MBOAT2: variants seen among roughly 807,000 people sequenced by gnomAD.
The protein encoded by MBOAT2 is membrane-bound glycerophospholipid O-acyltransferase 2.
A neutral mutation model predicts 63.4 loss-of-function variants in MBOAT2; 28 were observed. That is an observed-to-expected ratio of 0.44 (90% CI 0.33 to 0.61). The LOEUF is 0.61. MBOAT2 is among the 20% of genes least tolerant of loss of function. The pLI, the probability that MBOAT2 is intolerant of heterozygous loss-of-function variation, is 0.03. For synonymous variants in MBOAT2, 211 were observed against 215.6 expected (o/e 0.98, Z 0.19); for missense variants, 470 against 605.8 (o/e 0.78, Z 2.35).
intron 3 of MBOAT2, 32 bp downstream of exon 3, chr2:8,943,155 T>C: frequency 1.5e-6 from 2 of 1,291,016 alleles, no homozygotes; most frequent in Non-Finnish European, 2.1e-6. Flanking sequence ...AAGTGAAATA[T>C]ATATTTTCAT....
intron 9 of MBOAT2, among the ~76,000 whole-genome samples, chr2:8,866,113 T>C (rs1387287497): frequency 6.6e-6 from 1 of 152,192 alleles, no homozygotes; most frequent in Non-Finnish European, 1.5e-5. Flanking sequence ...GGTATCTCAG[T>C]GGCACTTAGC....
intron 4 of MBOAT2, among the ~76,000 whole-genome samples, chr2:8,901,086 C>A (rs550457881): frequency 6.6e-6 from 1 of 152,252 alleles, no homozygotes; most frequent in East Asian, 1.9e-4. Context: ...GTCCCTGGAC[C>A]CTGCTGATCG....
intron 2 of MBOAT2, among the ~76,000 whole-genome samples, chr2:8,955,277 T>C (rs1422687714): frequency 6.6e-6 from 1 of 152,218 alleles, no homozygotes; most frequent in Admixed American, 6.5e-5. Context: ...ATGTCTGTCC[T>C]TCACAGCGTC....
chr2:8,932,594 A>G (rs1035035501), intron 3 of MBOAT2, among the ~76,000 whole-genome samples: 2 of 152,190 alleles, frequency 1.3e-5, no homozygotes, highest in Non-Finnish European at 2.9e-5. Flanking sequence ...ACAAACCTCA[A>G]CAAGACTAAT....
At chr2:8,898,536 A>G (rs899523039) in intron 4 of MBOAT2, among the ~76,000 whole-genome samples, 3 of 152,382 alleles carry the variant, frequency 2.0e-5, no homozygotes, top group South Asian at 2.1e-4. Context: ...GATTAGCTAG[A>G]AAGTTCAAGA....
chr2:8,988,735 A>C lies in MBOAT2; in HGVS notation c.75+14805T>G, dbSNP rs1302840566. The stretch of plus-strand genomic sequence containing the variant: ...CAAATAATGAAAAACAGCCTTTTTC[A>C]TGAAAAAGCTCTATTTGTGAATTCT... On this transcript the variant is annotated intron_variant, in intron 1 of 12. Transcript: ENST00000305997. Among the ~76,000 whole-genome samples the C allele has an allele frequency of 6.6e-5, 10 of 152,290 alleles. 1 individual carries two copies. In the South Asian group the frequency reaches 1.0e-3, roughly 16 times the overall value.
At chr2:8,957,736 A>G (rs1327422208) in intron 2 of MBOAT2, among the ~76,000 whole-genome samples, 1 of 152,224 alleles carries the variant, frequency 6.6e-6, no homozygotes, top group Non-Finnish European at 1.5e-5. Flanking sequence ...GCAGATGAGC[A>G]TGCAGCACAA....
chr2:8,910,666 G>GTCACACAGCACCCCAACTCTCAAAGT (rs1665650927), intron 3 of MBOAT2, among the ~76,000 whole-genome samples: 1 of 152,168 alleles, frequency 6.6e-6, no homozygotes, highest in African/African-American at 2.4e-5. Context: ...CAAGGGTGTT[G>GTCACACAGCACCCCAACTCTCAAAGT]TCACACAGCA....
intron 3 of MBOAT2, among the ~76,000 whole-genome samples, chr2:8,942,432 T>C (rs1668121359): frequency 6.6e-6 from 1 of 152,228 alleles, no homozygotes; most frequent in Non-Finnish European, 1.5e-5. Context: ...TTTATCCATC[T>C]GTATTCCCAA....
chr2:9,001,316 C>T (rs1672673634), intron 1 of MBOAT2, among the ~76,000 whole-genome samples: 2 of 152,104 alleles, frequency 1.3e-5, no homozygotes, highest in Non-Finnish European at 2.9e-5. Context: ...GTGTAGTATA[C>T]ACAATGTGCT....
intron 4 of MBOAT2, among the ~76,000 whole-genome samples, chr2:8,895,779 C>T (rs969841642): frequency 2.6e-5 from 4 of 152,110 alleles, no homozygotes; most frequent in African/African-American, 7.2e-5. Context: ...TTTGGGGTTC[C>T]GTTTGTAAGA....
At chr2:8,885,619 A>G (rs772453835) in intron 5 of MBOAT2, among the ~76,000 whole-genome samples, 1 of 152,210 alleles carries the variant, frequency 6.6e-6, no homozygotes, top group Admixed American at 6.5e-5. Context: ...GCCAGACTTC[A>G]TGAGCAAACA....
intron 1 of MBOAT2, among the ~76,000 whole-genome samples, chr2:8,970,906 G>A (rs1333862541): frequency 6.6e-6 from 1 of 152,062 alleles, no homozygotes; most frequent in Non-Finnish European, 1.5e-5. Flanking sequence ...AAAAAGTCCA[G>A]ACACATTCAC....
chr2:8,966,432 C>G (rs561307540), intron 1 of MBOAT2, among the ~76,000 whole-genome samples: 1 of 152,214 alleles, frequency 6.6e-6, no homozygotes. Flanking sequence ...AATCATCTGA[C>G]AGCTAGTTAG....
At chr2:8,949,238 T>G (rs766191212) in intron 2 of MBOAT2, among the ~76,000 whole-genome samples, 2 of 152,242 alleles carry the variant, frequency 1.3e-5, no homozygotes, top group Non-Finnish European at 2.9e-5. Flanking sequence ...ATATTAAACC[T>G]TTGTCAAATC....
chr2:8,992,442 A>G (rs1231769919), intron 1 of MBOAT2, among the ~76,000 whole-genome samples: 1 of 152,170 alleles, frequency 6.6e-6, no homozygotes, highest in African/African-American at 2.4e-5. Context: ...CAGCCTCTCC[A>G]TTGAGTTTTA....
Position 8,991,008 on chromosome 2 carries a change from G to A in MBOAT2, c.75+12532C>T, listed in dbSNP as rs186032272. 6.6e-5 allele frequency among the ~76,000 whole-genome samples: 10 copies of A among 152,126 alleles called. No individual in the cohort carries two copies. In the East Asian group the frequency reaches 1.7e-3, roughly 26 times the overall value. ...TACCTTCATCTTCTTGGCTCTACTT[G>A]CAAACCAAAAATCTCTGTCACTGCT... is the stretch of plus-strand genomic sequence containing the variant. On this transcript the variant is annotated intron_variant, in intron 1 of 12. Transcript: ENST00000305997.
intron 1 of MBOAT2, among the ~76,000 whole-genome samples, chr2:8,995,813 G>A (rs538720285): frequency 2.6e-4 from 40 of 152,222 alleles, no homozygotes; most frequent in African/African-American, 7.0e-4. Flanking sequence ...GAATGGTCTC[G>A]ATCTCCTGAC....
chr2:8,958,573 T>C lies in MBOAT2; in HGVS notation c.145A>G (p.Ser49Gly), dbSNP rs1669394529. 6.2e-7 allele frequency: 1 copy of C among 1,612,622 alleles called. No homozygotes were observed. Among genetic ancestry groups the C allele is most frequent in the South Asian group, 1.1e-5 (1 of 90,626 alleles). The change falls in exon 2 of 13, where the codon AGC (serine) becomes GGC (glycine). Residue 49 changes from serine (S) to glycine (G), a missense_variant. Around this residue, in one of 3 missense-constraint regions of MBOAT2, gnomAD observed 376 missense variants for 503.8 expected, o/e 0.75. Coordinates refer to ENST00000305997, the MANE Select transcript of MBOAT2 (RefSeq NM_138799.4). ...TGTCTTATAAAAGAGCTAGTTTTGC[T>C]TGAATGTAGATAAGTTCGAAACCAA... Reference protein sequence around the residue: ...AIWFRTYLHSSKTSSFIRHVV... With the variant: ...AIWFRTYLHSGKTSSFIRHVV...
Sources: gnomAD v4.1 joint callset for allele counts (sites outside exome capture counted in the v4.1 genomes callset) on GRCh38, gnomAD v4.1.1 for gene constraint, gnomAD v4.1.1 regional missense constraint, MANE v1.5 for transcripts, NCBI Gene and HGNC (gene_info 2026-07-23, HGNC 2026-07-21) for gene names.